Variants in CHRM3 observed in about 807,000 individuals in gnomAD.
CHRM3 encodes the protein muscarinic acetylcholine receptor M3.
Under a neutral mutation model 41.8 loss-of-function variants are expected in CHRM3, and 11 were observed. That is an observed-to-expected ratio of 0.26 (90% CI 0.17 to 0.44). The LOEUF is 0.44. Ranked by LOEUF, CHRM3 falls within the 20% of genes least tolerant of loss-of-function variation. CHRM3 has a pLI of 1.00. For synonymous variants in CHRM3, 297 were observed against 301.4 expected, an observed-to-expected ratio of 0.99 and a Z score of 0.15; for missense variants, 571 against 745.4, an observed-to-expected ratio of 0.77 and a Z score of 2.72.
intron 1 of CHRM3, among the ~76,000 whole-genome samples, chr1:239,435,125 A>C (rs2103203556): frequency 6.6e-6 from 1 of 152,346 alleles, no homozygotes; most frequent in Admixed American, 6.5e-5. Context: ...GAAACTACTT[A>C]GTAATGCTTA....
chr1:239,760,873 A>G (rs1171733530), intron 5 of CHRM3, among the ~76,000 whole-genome samples: 1 of 152,086 alleles, frequency 6.6e-6, no homozygotes, highest in Non-Finnish European at 1.5e-5. Flanking sequence ...TGTGCTTGGC[A>G]TTTGCCAAGC....
chr1:239,448,564 G>A (rs1355679192), intron 1 of CHRM3, among the ~76,000 whole-genome samples: 1 of 152,088 alleles, frequency 6.6e-6, no homozygotes, highest in East Asian at 1.9e-4. Flanking sequence ...ACTCTATCAA[G>A]TTTGTAATAG....
At chr1:239,552,507 T>TATATATATATA (rs1553325442) in intron 3 of CHRM3, among the ~76,000 whole-genome samples, 35 of 145,884 alleles carry the variant, frequency 2.4e-4, no homozygotes, top group African/African-American at 8.7e-4. Context: ...AATATATATT[T>TATATATATATA]TATATATATA....
intron 2 of CHRM3, among the ~76,000 whole-genome samples, chr1:239,508,099 T>C (rs1668690633): frequency 6.6e-6 from 1 of 152,034 alleles, no homozygotes; most frequent in African/African-American, 2.4e-5. Context: ...AATTTTGGAG[T>C]CTTTGGAAAT....
At chr1:239,518,115 C>T (rs751663052) in intron 2 of CHRM3, among the ~76,000 whole-genome samples, 2 of 152,036 alleles carry the variant, frequency 1.3e-5, no homozygotes, top group Admixed American at 6.6e-5. Flanking sequence ...GAAAAAACAA[C>T]GACAACAACA....
chr1:239,663,004 T>C (rs1169911378), intron 4 of CHRM3, among the ~76,000 whole-genome samples: 1 of 151,462 alleles, frequency 6.6e-6, no homozygotes, highest in African/African-American at 2.4e-5. Flanking sequence ...TTCTCCTTCT[T>C]CTTTCTCTTC....
At chr1:239,565,910 CTTTTTT>C (rs796838831) in intron 3 of CHRM3, among the ~76,000 whole-genome samples, 4 of 117,432 alleles carry the variant, frequency 3.4e-5, no homozygotes, top group African/African-American at 1.3e-4. Flanking sequence ...CATCTTTTTT[CTTTTTT>C]TTTTTTTTTT....
intron 1 of CHRM3, among the ~76,000 whole-genome samples, chr1:239,428,891 C>G (rs1165416165): frequency 6.6e-6 from 1 of 152,160 alleles, no homozygotes; most frequent in East Asian, 1.9e-4. Flanking sequence ...CTCCATATTA[C>G]TTTCTAATCA....
chr1:239,893,167 C>G (rs1247003269), intron 6 of CHRM3, among the ~76,000 whole-genome samples: 1 of 152,148 alleles, frequency 6.6e-6, no homozygotes, highest in Non-Finnish European at 1.5e-5. Flanking sequence ...TGTATACACA[C>G]AGCGAGCAGT....
chr1:239,611,527 T>A (rs747356275), intron 3 of CHRM3, among the ~76,000 whole-genome samples: 4 of 150,332 alleles, frequency 2.7e-5, no homozygotes, highest in Non-Finnish European at 5.9e-5. Flanking sequence ...TTCAAGGGAT[T>A]CTCCCGCCTC....
chr1:239,487,202 GAC>G (rs1395852230), intron 1 of CHRM3, among the ~76,000 whole-genome samples: 1 of 152,114 alleles, frequency 6.6e-6, no homozygotes, highest in Non-Finnish European at 1.5e-5. Flanking sequence ...AGTGAGACAA[GAC>G]AAAGCTATTT....
chr1:239,537,043 A>T (rs1658271629), intron 2 of CHRM3, among the ~76,000 whole-genome samples: 1 of 151,822 alleles, frequency 6.6e-6, no homozygotes, highest in Admixed American at 6.6e-5. Context: ...AGTCTTCAGC[A>T]TGTTTTAAAT....
chr1:239,719,725 G>A (rs1489465943), intron 5 of CHRM3: 5 of 151,874 alleles, frequency 3.3e-5, no homozygotes, highest in African/African-American at 1.2e-4. Flanking sequence ...TTTTGGGCAC[G>A]GCCTGGTTAT....
At chr1:239,470,064 T>C (rs1666012038) in intron 1 of CHRM3, among the ~76,000 whole-genome samples, 1 of 152,150 alleles carries the variant, frequency 6.6e-6, no homozygotes, top group African/African-American at 2.4e-5. Flanking sequence ...GTAGGGGTTT[T>C]GTAGATGGAA....
intron 3 of CHRM3, among the ~76,000 whole-genome samples, chr1:239,587,724 C>T (rs1320535512): frequency 1.3e-5 from 2 of 152,080 alleles, no homozygotes; most frequent in African/African-American, 2.4e-5. Flanking sequence ...GTCATTTTTC[C>T]AGGGCTGCAT....
intron 4 of CHRM3, among the ~76,000 whole-genome samples, chr1:239,667,419 C>T (rs1411137426): frequency 6.6e-6 from 1 of 152,176 alleles, no homozygotes; most frequent in African/African-American, 2.4e-5. Context: ...TGCGGAGACT[C>T]ATGCAGACAT....
intron 5 of CHRM3, among the ~76,000 whole-genome samples, chr1:239,769,183 T>A (rs1250960232): frequency 6.6e-6 from 1 of 152,178 alleles, no homozygotes; most frequent in Admixed American, 6.5e-5. Flanking sequence ...GACACTTGCC[T>A]TTCCCTCCCA....
intron 3 of CHRM3, among the ~76,000 whole-genome samples, chr1:239,593,262 T>C (rs2148650528): frequency 6.6e-6 from 1 of 152,304 alleles, no homozygotes; most frequent in South Asian, 2.1e-4. Context: ...CAAAATTTTA[T>C]TCTTTACCTA....
chr1:239,865,244 T>G (rs748723000), intron 6 of CHRM3, among the ~76,000 whole-genome samples: 5 of 152,192 alleles, frequency 3.3e-5, no homozygotes, highest in Non-Finnish European at 5.9e-5. Context: ...ATACTCCTGT[T>G]TGTGTACAGC....
Sources: allele counts gnomAD v4.1 joint callset (sites outside exome capture counted in the v4.1 genomes callset), GRCh38; gene constraint gnomAD v4.1.1; transcripts MANE v1.5; gene names NCBI Gene and HGNC (gene_info 2026-07-23, HGNC 2026-07-21).